The following CDKAL1 variants were observed in gnomAD, a reference collection of about 807,000 sequenced individuals.
CDKAL1 encodes CDKAL1 threonylcarbamoyladenosine tRNA methylthiotransferase.
CDKAL1 carries 32 observed loss-of-function variants against 68.2 expected under a neutral mutation model. The ratio of observed to expected loss-of-function variants is 0.47; its 90% CI spans 0.35 to 0.63. The LOEUF (loss-of-function observed/expected upper bound fraction) is 0.63, where lower values mean the gene tolerates loss of function less well. CDKAL1 is among the 30% of genes least tolerant of loss of function. The pLI, the probability that CDKAL1 is intolerant of heterozygous loss-of-function variation, is 0.00. For missense variants in CDKAL1, 606 were observed against 696.7 expected (o/e 0.87, Z 1.47); for synonymous variants, 234 against 244.3 (o/e 0.96, Z 0.39).
chr6:20,538,506 ACT>A (rs1469236379), intron 2 of CDKAL1, among the ~76,000 whole-genome samples: 5 of 151,864 alleles, frequency 3.3e-5, no homozygotes, highest in African/African-American at 9.7e-5. Context: ...TGCTTCTCTA[ACT>A]CTAATGATAT....
chr6:20,544,564 C>G (rs1763517164), intron 2 of CDKAL1, among the ~76,000 whole-genome samples: 1 of 132,046 alleles, frequency 7.6e-6, no homozygotes, highest in African/African-American at 3.0e-5. Context: ...CCACTGCACT[C>G]CAGCCTGGGC....
At chr6:20,992,211 T>C (rs1192199082) in intron 10 of CDKAL1, among the ~76,000 whole-genome samples, 1 of 149,704 alleles carries the variant, frequency 6.7e-6, no homozygotes, top group Non-Finnish European at 1.5e-5. Context: ...TATATATATA[T>C]GTATTTTGTA....
rs768629670 is a variant in CDKAL1 at position 20,758,586 on chromosome 6, T to C, written c.469-9T>C. ...AATTACTTGTGTAATCGTTTTTTTT[T>C]TTTTCCAGGTTCAGCAGATAGATCG... On this transcript the variant is annotated splice_polypyrimidine_tract_variant and intron_variant, in intron 6 of 15. Coordinates refer to ENST00000274695, the MANE Select transcript of CDKAL1 (RefSeq NM_017774.3). The C allele has an allele frequency of 5.0e-6, 8 of 1,597,048 alleles. No homozygotes were observed. In the Admixed American group the frequency reaches 1.4e-4, roughly 29 times the overall value.
intron 4 of CDKAL1, among the ~76,000 whole-genome samples, chr6:20,632,323 G>A (rs755724711): frequency 1.3e-5 from 2 of 152,168 alleles, no homozygotes; most frequent in African/African-American, 4.8e-5. Context: ...TCGAGAGAGC[G>A]TTGTAGTGCA....
chr6:20,753,676 G>A (rs989812586), intron 6 of CDKAL1, among the ~76,000 whole-genome samples: 1 of 152,162 alleles, frequency 6.6e-6, no homozygotes, highest in African/African-American at 2.4e-5. Flanking sequence ...TATGCCACAT[G>A]TTGTTAATCT....
intron 2 of CDKAL1, among the ~76,000 whole-genome samples, chr6:20,540,075 G>GTGTTTTTTTT (rs1763327687): frequency 9.0e-6 from 1 of 111,406 alleles, no homozygotes; most frequent in Admixed American, 8.1e-5. Flanking sequence ...GATTGGGATT[G>GTGTTTTTTTT]TCTTTTTTTT....
chr6:20,785,605 C>T (rs1172121646), intron 8 of CDKAL1, among the ~76,000 whole-genome samples: 3 of 152,136 alleles, frequency 2.0e-5, no homozygotes, highest in Non-Finnish European at 4.4e-5. Context: ...GCCACTATGC[C>T]CAGCCAGATT....
At chr6:21,122,872 T>C (rs554393835) in intron 13 of CDKAL1, among the ~76,000 whole-genome samples, 1 of 148,574 alleles carries the variant, frequency 6.7e-6, no homozygotes, top group South Asian at 2.2e-4. Context: ...CTCAAACTAC[T>C]GGCTTTTAGC....
intron 5 of CDKAL1, among the ~76,000 whole-genome samples, chr6:20,650,443 A>T (rs28783153): frequency 0.062 from 9,361 of 152,112 alleles, 892 homozygotes; most frequent in African/African-American, 0.21. Context: ...CATTCCTTAT[A>T]GATTCTGGAT....
At chr6:20,826,341 G>A (rs1777501459) in intron 8 of CDKAL1, among the ~76,000 whole-genome samples, 1 of 152,104 alleles carries the variant, frequency 6.6e-6, no homozygotes, top group South Asian at 2.1e-4. Context: ...TTTATCCTCT[G>A]ATTTTTAAAG....
intron 5 of CDKAL1, among the ~76,000 whole-genome samples, chr6:20,734,468 T>C (rs1773096209): frequency 6.6e-6 from 1 of 152,212 alleles, no homozygotes; most frequent in Non-Finnish European, 1.5e-5. Flanking sequence ...TTTAAAAATA[T>C]GTCTGTGCTG....
intron 12 of CDKAL1, among the ~76,000 whole-genome samples, chr6:21,080,076 C>CT (rs751605718): frequency 2.2e-3 from 279 of 128,186 alleles, no homozygotes; most frequent in South Asian, 0.017. Flanking sequence ...TTGGATCATT[C>CT]TTTTTTTTTT....
chr6:20,824,381 T>G (rs1777412251), intron 8 of CDKAL1, among the ~76,000 whole-genome samples: 1 of 152,118 alleles, frequency 6.6e-6, no homozygotes, highest in South Asian at 2.1e-4. Context: ...CGGGCATAAT[T>G]TAGGGTCCTC....
At chr6:20,911,424 C>G (rs1337856653) in intron 9 of CDKAL1, among the ~76,000 whole-genome samples, 1 of 152,176 alleles carries the variant, frequency 6.6e-6, no homozygotes, top group African/African-American at 2.4e-5. Context: ...CTTCTTGTTG[C>G]TCTAGAATTC....
chr6:20,665,824 G>A (rs7752906), intron 5 of CDKAL1, among the ~76,000 whole-genome samples: 60,110 of 151,590 alleles, frequency 0.4, 13,041 homozygotes, highest in African/African-American at 0.58. Flanking sequence ...TATTTTTTAC[G>A]TATATGCATG....
chr6:21,140,823 G>A (rs1562065164), intron 13 of CDKAL1, among the ~76,000 whole-genome samples: 1 of 152,120 alleles, frequency 6.6e-6, no homozygotes. Flanking sequence ...CCCGAGACTG[G>A]GAAGAAAAAG....
intron 8 of CDKAL1, chr6:20,799,806 A>C (rs1016909337): frequency 6.6e-6 from 1 of 152,190 alleles, no homozygotes; most frequent in African/African-American, 2.4e-5. Context: ...CAGACTTGCA[A>C]TTTGTCTTGA....
At chr6:20,558,846 C>T in intron 4 of CDKAL1, 1 of 333,380 alleles carries the variant, frequency 3.0e-6, no homozygotes, top group Non-Finnish European at 5.9e-6. Context: ...CCAGGCTGGT[C>T]TTGAACTCCT....
At chr6:21,160,204 T>A (rs984871064) in intron 13 of CDKAL1, among the ~76,000 whole-genome samples, 1 of 152,220 alleles carries the variant, frequency 6.6e-6, no homozygotes, top group African/African-American at 2.4e-5. Context: ...AATCAATAAG[T>A]CGCTTTTGGC....
Sources: allele counts gnomAD v4.1 joint callset (sites outside exome capture counted in the v4.1 genomes callset), GRCh38; gene constraint gnomAD v4.1.1; transcripts MANE v1.5; gene names NCBI Gene and HGNC (gene_info 2026-07-23, HGNC 2026-07-21).